Variants in PTER observed in about 807,000 individuals in gnomAD.
PTER encodes phosphotriesterase related, also known as N-acetyltaurine hydrolase.
In PTER, 38 loss-of-function variants were observed where a neutral mutation model predicts 29.6. The observed-to-expected ratio is 1.28, with a 90% confidence interval of 0.99 to 1.68. PTER has a LOEUF of 1.68. Ranked by LOEUF, PTER falls within the 40% of genes most tolerant of loss-of-function variation. PTER has a pLI of 0.00. For missense variants in PTER, 482 were observed against 427.8 expected, an observed-to-expected ratio of 1.13 and a Z score of -1.12; for synonymous variants, 172 against 154.5, an observed-to-expected ratio of 1.11 and a Z score of -0.84.
chr10:16,493,804 C>G (rs1344885032), intron 3 of PTER, among the ~76,000 whole-genome samples: 1 of 151,946 alleles, frequency 6.6e-6, no homozygotes, highest in Non-Finnish European at 1.5e-5. Context: ...TAAAATGCAC[C>G]AAAATTCTGT....
At chr10:16,490,411 A>G (rs1187774169) in intron 3 of PTER, among the ~76,000 whole-genome samples, 1 of 152,074 alleles carries the variant, frequency 6.6e-6, no homozygotes, top group Non-Finnish European at 1.5e-5. Context: ...GTTGCCTTCC[A>G]TATAAAGGGA....
At position 16,456,852 on chromosome 10, in the gene PTER, A is replaced by T. The variant is rs189484872; in HGVS notation, c.-49+19805A>T. ...GGACCTGGTGGGAGGTAACTGAACCATGGGGAAGGTGGGGGGGGGTTCCGC... is the reference window on the plus strand; with the variant it reads ...GGACCTGGTGGGAGGTAACTGAACCTTGGGGAAGGTGGGGGGGGGTTCCGC... On this transcript the variant is annotated intron_variant, in intron 1 of 4. Transcript: ENST00000535784. Among the ~76,000 whole-genome samples the T allele has an allele frequency of 4.7e-3, 348 of 73,382 alleles. 5 individuals are homozygous for T. The highest frequency in any genetic ancestry group is 0.026 in the African/African-American group (328 of 12,770). The allele number at this position is 73,382 out of a possible 152,430, so 48.1% of individuals were successfully genotyped here. A position where few individuals can be genotyped will look rare whatever the true frequency, so the allele number is the denominator to read the frequency against.
chr10:16,483,949 T>C (rs926184431), intron 1 of PTER, among the ~76,000 whole-genome samples: 3 of 152,220 alleles, frequency 2.0e-5, no homozygotes, highest in Non-Finnish European at 2.9e-5. Context: ...TTAGTTTGGA[T>C]GTAAGTTATT....
At chr10:16,446,937 C>T (rs1414597149) in intron 1 of PTER, among the ~76,000 whole-genome samples, 2 of 151,842 alleles carry the variant, frequency 1.3e-5, no homozygotes, top group East Asian at 1.9e-4. Flanking sequence ...TACAGGCGTG[C>T]GCTACCATGC....
chr10:16,486,280 C>T (rs1835690112), intron 2 of PTER, 72 bp from the exon 3 acceptor site: 3 of 1,356,316 alleles, frequency 2.2e-6, no homozygotes, highest in Non-Finnish European at 3.0e-6. Context: ...TAAATTCATT[C>T]ACATACTGTG....
intron 1 of PTER, among the ~76,000 whole-genome samples, chr10:16,446,847 G>C (rs1484128163): frequency 1.3e-5 from 2 of 151,874 alleles, no homozygotes; most frequent in Non-Finnish European, 2.9e-5. Flanking sequence ...AGAGTGCATT[G>C]GTGCAATCTC....
At chr10:16,493,910 C>T (rs1223242326) in intron 3 of PTER, among the ~76,000 whole-genome samples, 1 of 152,130 alleles carries the variant, frequency 6.6e-6, no homozygotes, top group Non-Finnish European at 1.5e-5. Context: ...TTTGGGCAGA[C>T]CTGCCTTCCT....
intron 1 of PTER, among the ~76,000 whole-genome samples, chr10:16,456,037 G>A (rs555833624): frequency 2.6e-5 from 4 of 152,230 alleles, no homozygotes; most frequent in South Asian, 4.2e-4. Context: ...CATCATCCCC[G>A]GAATGCTGTG....
chr10:16,517,260 C>T (rs1389257201), downstream of PTER, among the ~76,000 whole-genome samples: 1 of 152,006 alleles, frequency 6.6e-6, no homozygotes, highest in Non-Finnish European at 1.5e-5. Context: ...ATGTTTAGTC[C>T]GTATTTCTTT....
At chr10:16,456,323 T>C (rs1298730786) in intron 1 of PTER, among the ~76,000 whole-genome samples, 1 of 152,216 alleles carries the variant, frequency 6.6e-6, no homozygotes, top group Non-Finnish European at 1.5e-5. Context: ...GAGATGATTC[T>C]TTAAGAGTTA....
chr10:16,505,360 G>A (rs1007136456), intron 4 of PTER, among the ~76,000 whole-genome samples, 200 bp downstream of exon 4: 3 of 152,078 alleles, frequency 2.0e-5, no homozygotes, highest in African/African-American at 7.2e-5. Flanking sequence ...TCCTAAGTAG[G>A]CTAAAGCTTA....
chr10:16,446,705 C>G (rs11253999), intron 1 of PTER, among the ~76,000 whole-genome samples: 88,254 of 152,030 alleles, frequency 0.58, 27,021 homozygotes, highest in African/African-American at 0.78. Context: ...GAGGTCAAAA[C>G]GCTTAATTTC....
chr10:16,446,072 C>T (rs1276511125), intron 1 of PTER, among the ~76,000 whole-genome samples: 1 of 152,154 alleles, frequency 6.6e-6, no homozygotes, highest in Non-Finnish European at 1.5e-5. Context: ...TTCGGAGCAG[C>T]TCAGTGCATA....
intron 1 of PTER, among the ~76,000 whole-genome samples, chr10:16,457,250 T>C (rs566067718): frequency 1.4e-4 from 22 of 152,144 alleles, no homozygotes; most frequent in Non-Finnish European, 1.9e-4. Context: ...TCTCACTCTG[T>C]TGCCCAGGCT....
At chr10:16,473,296 C>A (rs1835122732) in intron 1 of PTER, among the ~76,000 whole-genome samples, 1 of 152,070 alleles carries the variant, frequency 6.6e-6, no homozygotes, top group Non-Finnish European at 1.5e-5. Context: ...TAAATCCACG[C>A]AGTGCTGGAA....
At chr10:16,449,622 C>G (rs1193507563) in intron 1 of PTER, among the ~76,000 whole-genome samples, 2 of 151,560 alleles carry the variant, frequency 1.3e-5, no homozygotes, top group Non-Finnish European at 2.9e-5. Flanking sequence ...TCCAGTTATT[C>G]CCACTGCATT....
intron 1 of PTER, among the ~76,000 whole-genome samples, chr10:16,442,517 C>G (rs1327186812): frequency 6.6e-6 from 1 of 152,192 alleles, no homozygotes; most frequent in African/African-American, 2.4e-5. Flanking sequence ...ATGCTGTAAT[C>G]CCGGCACTTT....
intron 1 of PTER, among the ~76,000 whole-genome samples, chr10:16,453,542 AATG>A (rs1293361875): frequency 6.6e-6 from 1 of 152,214 alleles, no homozygotes; most frequent in Non-Finnish European, 1.5e-5. Context: ...CAGTATGAAG[AATG>A]ATAATAAATA....
intron 3 of PTER, among the ~76,000 whole-genome samples, chr10:16,503,212 C>T (rs1362634351): frequency 6.6e-6 from 1 of 151,272 alleles, no homozygotes; most frequent in Non-Finnish European, 1.5e-5. Flanking sequence ...TGAGCCACCA[C>T]ACCCAGCCAC....
Sources: gnomAD v4.1 joint callset for allele counts (sites outside exome capture counted in the v4.1 genomes callset) on GRCh38, gnomAD v4.1.1 for gene constraint, MANE v1.5 for transcripts, NCBI Gene and HGNC (gene_info 2026-07-23, HGNC 2026-07-21) for gene names.